The following NLRP14 variants were observed in gnomAD, a reference collection of about 807,000 sequenced individuals.
NLRP14 encodes NACHT, LRR and PYD domains-containing protein 14.
A neutral mutation model predicts 94.7 loss-of-function variants in NLRP14; 105 were observed. That is an observed-to-expected ratio of 1.11 (90% CI 0.95 to 1.30). The LOEUF (loss-of-function observed/expected upper bound fraction) is 1.30. Among genes scored for constraint, NLRP14 ranks in the 50% most tolerant of loss-of-function variants. The pLI, the probability that NLRP14 is intolerant of heterozygous loss-of-function variation, is 0.00. For synonymous variants in NLRP14, 508 were observed against 459.9 expected (o/e 1.10, Z -1.34); for missense variants, 1,362 against 1,254.1 (o/e 1.09, Z -1.30).
the NLRP14 span, chr11:7,089,631 C>A: frequency 7.9e-7 from 1 of 1,260,692 alleles, no homozygotes. Flanking sequence ...GGGCCCGGCT[C>A]GCAGCAGCGG....
rs1459181454 is a variant in NLRP14 at position 7,062,336 on chromosome 11, G to T, written c.2808G>T (p.Leu936Phe). Residue 936 changes from leucine (L) to phenylalanine (F), a missense_variant, in exon 10 of 12, where the codon TTG becomes TTT. Transcript: ENST00000299481. ...HPSCNLQDLE[L>F]MGCVLTNACC... ...TTTCCTATTGTAATTCTTACAGATT[G>T]ATGGGCTGTGTTCTCACTAATGCAT... The T allele has an allele frequency of 2.5e-6, 4 of 1,612,044 alleles. No homozygotes were observed. Among genetic ancestry groups the T allele is most frequent in the Non-Finnish European group, 3.4e-6 (4 of 1,178,426 alleles).
chr11:7,039,595 T>C (rs960449473), intron 2 of NLRP14, 119 bp from the exon 3 acceptor site: 37 of 852,986 alleles, frequency 4.3e-5, no homozygotes, highest in Non-Finnish European at 7.3e-5. Flanking sequence ...TCTAGTTTTC[T>C]TAAACCCAGA....
At chr11:7,056,550 A>T (rs1477730795) in intron 6 of NLRP14, among the ~76,000 whole-genome samples, 1 of 150,490 alleles carries the variant, frequency 6.6e-6, no homozygotes, top group East Asian at 1.9e-4. Context: ...CAAGAAACTC[A>T]TAATATGGGA....
intron 1 of NLRP14, among the ~76,000 whole-genome samples, chr11:7,028,047 C>T (rs568346679): frequency 1.3e-5 from 2 of 152,204 alleles, no homozygotes; most frequent in South Asian, 4.1e-4. Flanking sequence ...TTTGAATGTT[C>T]TATTCTCACT....
Position 7,038,676 on chromosome 11 carries a change from C to T in NLRP14, c.90C>T (p.Phe30=), listed in dbSNP as rs1852197827. Residue 30 remains phenylalanine (F), a synonymous_variant, in exon 2 of 12, where the codon TTC becomes TTT. Coordinates refer to ENST00000299481, the MANE Select transcript of NLRP14 (RefSeq NM_176822.4). ...TAAACAAAGAGGAATTAAATACATT[C>T]AAGTTATTCCTAAAGGAGACCATGG... ...EELNKEELNT[F]KLFLKETMEP... is the part of the protein sequence containing the mutation. 17 of 1,613,338 alleles carry T rather than the reference C, an allele frequency of 1.1e-5. No homozygotes were observed. Among genetic ancestry groups the T allele is most frequent in the Non-Finnish European group, 1.3e-5 (15 of 1,179,460 alleles).
At chr11:7,078,451 AAAAAAAAAAAAC>A in the NLRP14 span, among the ~76,000 whole-genome samples, 1 of 146,172 alleles carries the variant, frequency 6.8e-6, no homozygotes, top group African/African-American at 2.5e-5. Context: ...AAAAAAAAAA[AAAAAAAAAAAAC>A]AAAAAAATTG....
intron 1 of NLRP14, among the ~76,000 whole-genome samples, chr11:7,031,077 C>G (rs1341829190): frequency 6.6e-6 from 1 of 152,222 alleles, no homozygotes; most frequent in Non-Finnish European, 1.5e-5. Context: ...TTGCTCTTCT[C>G]TCAGGGGAGG....
In NLRP14 at chr11:7,071,072, C is replaced by T. The variant is rs549629008; in HGVS notation, c.3147-101C>T. The T allele has an allele frequency of 5.9e-6, 8 of 1,350,648 alleles. No homozygotes were observed. In the South Asian group the frequency reaches 9.7e-5, roughly 16 times the overall value. 83.7% of individuals were successfully genotyped at this position (1,350,648 alleles called of 1,614,324 possible). A position where few individuals can be genotyped will look rare whatever the true frequency, so the allele number is the denominator to read the frequency against. Reference sequence around the variant, plus strand: ...TTATAATATTATCTCTCTATTTTAACAGAACAGTTTTTTTTCTCCTGAAAT... The same window carrying T: ...TTATAATATTATCTCTCTATTTTAATAGAACAGTTTTTTTTCTCCTGAAAT... On this transcript the variant is annotated intron_variant, in intron 11 of 11. Coordinates refer to ENST00000299481, the MANE Select transcript of NLRP14 (RefSeq NM_176822.4).
the NLRP14 span, chr11:7,090,536 A>G: frequency 1.7e-6 from 1 of 585,128 alleles, no homozygotes; most frequent in Non-Finnish European, 3.1e-6. Flanking sequence ...AAAGTATATG[A>G]ACCTGAGTAC....
chr11:7,033,438 A>G (rs1852122980), intron 1 of NLRP14, among the ~76,000 whole-genome samples: 1 of 152,250 alleles, frequency 6.6e-6, no homozygotes. Context: ...CAATAAGGCA[A>G]TTAAGTTGCA....
At position 7,038,740 on chromosome 11, in the gene NLRP14, A is replaced by G. The variant is rs1473002831; in HGVS notation, c.154A>G (p.Lys52Glu). The part of the protein sequence containing the change: ...HGLTPWNEVK[K>E]ARREDLANLM... ...CCTGACACCCTGGAATGAAGTGAAG[A>G]AGGCCAGGCGGGAGGACCTGGCCAA... Residue 52 changes from lysine (K) to glutamate (E), a missense_variant, in exon 2 of 12, where the codon AAG (lysine) becomes GAG (glutamate). Coordinates refer to ENST00000299481, the MANE Select transcript of NLRP14 (RefSeq NM_176822.4). 1.2e-6 allele frequency: 2 copies of G among 1,613,958 alleles called. No homozygotes were observed. Among genetic ancestry groups the G allele is most frequent in the Non-Finnish European group, 1.7e-6 (2 of 1,179,954 alleles).
the NLRP14 span, among the ~76,000 whole-genome samples, chr11:7,077,405 A>G: frequency 0.01 from 1,560 of 152,354 alleles, 23 homozygotes; most frequent in African/African-American, 0.033. Flanking sequence ...CGAGGTCCCA[A>G]TCTCTGAAGC....
the NLRP14 span, among the ~76,000 whole-genome samples, chr11:7,082,490 G>A: frequency 6.6e-6 from 1 of 152,110 alleles, no homozygotes; most frequent in African/African-American, 2.4e-5. Flanking sequence ...ATTTGATCCT[G>A]CCTAGTTCCA....
At chr11:7,087,712 A>C in the NLRP14 span, among the ~76,000 whole-genome samples, 66 of 152,336 alleles carry the variant, frequency 4.3e-4, no homozygotes, top group African/African-American at 1.5e-3. Flanking sequence ...CTTCTTCCAT[A>C]GTGGAGGAAA....
At chr11:7,072,024 G>A (rs1270530116), downstream of NLRP14, among the ~76,000 whole-genome samples, 1 of 152,158 alleles carries the variant, frequency 6.6e-6, no homozygotes, top group Non-Finnish European at 1.5e-5. Context: ...TTTGGCAAGA[G>A]CGTGACACAA....
chr11:7,025,563 A>G (rs1222803013), intron 1 of NLRP14, among the ~76,000 whole-genome samples: 2 of 152,208 alleles, frequency 1.3e-5, no homozygotes, highest in African/African-American at 2.4e-5. Flanking sequence ...CATTATGCTA[A>G]ATGTGAATGG....
downstream of NLRP14, among the ~76,000 whole-genome samples, chr11:7,074,440 C>T (rs773693812): frequency 6.6e-6 from 1 of 152,212 alleles, no homozygotes; most frequent in Non-Finnish European, 1.5e-5. Flanking sequence ...ACCTCTTTCA[C>T]ATGATAGCCT....
chr11:7,042,586 T>G lies in NLRP14; in HGVS notation c.560T>G (p.Val187Gly). 6.2e-7 allele frequency: 1 copy of G among 1,614,038 alleles called. No homozygotes were observed. The highest frequency in any genetic ancestry group is 8.5e-7 in the Non-Finnish European group (1 of 1,179,998). The change falls in exon 4 of 12, where the codon GTT becomes GGT. Residue 187 changes from valine (V) to glycine (G), a missense_variant. Coordinates refer to ENST00000299481, the MANE Select transcript of NLRP14 (RefSeq NM_176822.4). ...GTGGTGCTTCAGGGAGCTGCTGGAG[T>G]TGGGAAAACAACCTTGGTGAGAAAG... Reference protein sequence around the residue: ...QIVVLQGAAGVGKTTLVRKAM... With the variant: ...QIVVLQGAAGGGKTTLVRKAM...
intron 10 of NLRP14, among the ~76,000 whole-genome samples, chr11:7,067,675 T>G (rs1167605630): frequency 6.6e-6 from 1 of 152,200 alleles, no homozygotes; most frequent in Non-Finnish European, 1.5e-5. Context: ...TGGACATATC[T>G]CCTGTGTACA....
Sources: allele counts gnomAD v4.1 joint callset (sites outside exome capture counted in the v4.1 genomes callset), GRCh38; gene constraint gnomAD v4.1.1; transcripts MANE v1.5; gene names NCBI Gene and HGNC (gene_info 2026-07-23, HGNC 2026-07-21).